Variants in ZNF141 observed in about 807,000 individuals in gnomAD.
The protein encoded by ZNF141 is zinc finger protein 141 (clone pHZ-44).
ZNF141 carries 7 observed loss-of-function variants against 11.3 expected under a neutral mutation model. The observed-to-expected ratio is 0.62, with a 90% CI of 0.35 to 1.16. ZNF141 has a LOEUF of 1.16. Ranked by LOEUF, ZNF141 falls within the 50% of genes most tolerant of loss-of-function variation. The pLI is 0.02. For synonymous variants in ZNF141, 183 were observed against 190.7 expected, an observed-to-expected ratio of 0.96 and a Z score of 0.33; for missense variants, 535 against 554.0, an observed-to-expected ratio of 0.97 and a Z score of 0.34.
intron 1 of ZNF141, among the ~76,000 whole-genome samples, chr4:341,796 G>C (rs1190199862): frequency 6.6e-6 from 1 of 152,120 alleles, no homozygotes; most frequent in Non-Finnish European, 1.5e-5. Flanking sequence ...CTCCTCTCCA[G>C]AGCTGGTGCC....
In ZNF141 at chr4:381,090, G is replaced by A. The variant is rs1712593450; in HGVS notation, c.*7228G>A. 6.6e-6 allele frequency among the ~76,000 whole-genome samples: 1 copy of A among 152,024 alleles called. No individual in the cohort carries two copies. The highest frequency in any genetic ancestry group is 1.9e-4 in the East Asian group (1 of 5,192). On this transcript the variant is annotated 3_prime_UTR_variant, in exon 4 of 4. Transcript: ENST00000240499. ...ACCTGTAGTCAGTAAATGCTGTAAT[G>A]TAATTAAATATTATTTACTACAAAC... is the stretch of plus-strand genomic sequence containing the variant.
At chr4:371,933 G>A (rs1269681867) in intron 3 of ZNF141, among the ~76,000 whole-genome samples, 1 of 152,188 alleles carries the variant, frequency 6.6e-6, no homozygotes, top group Non-Finnish European at 1.5e-5. Context: ...TTAACAAAAA[G>A]CTATTTGTCA....
At chr4:366,432 C>G (rs1327023421) in intron 3 of ZNF141, among the ~76,000 whole-genome samples, 1 of 152,136 alleles carries the variant, frequency 6.6e-6, no homozygotes, top group Non-Finnish European at 1.5e-5. Context: ...TCTCAACCTC[C>G]TGAGTAGCTG....
rs149551199 is a variant in ZNF141, at chr4:383,561, G to GA, written c.*9705dup. The GA allele has an allele frequency of 0.028, 4,574 of 164,816 alleles. 224 individuals carry two copies. Among genetic ancestry groups the GA allele is most frequent in the African/African-American group, 0.1 (4,318 of 42,046 alleles). 10.2% of individuals were successfully genotyped at this position (164,816 alleles called of 1,614,324 possible). A position where few individuals can be genotyped will look rare whatever the true frequency, so the allele number is the denominator to read the frequency against. On this transcript the variant is annotated 3_prime_UTR_variant, in exon 4 of 4. Coordinates refer to ENST00000240499, the MANE Select transcript of ZNF141 (RefSeq NM_003441.4). Reference sequence around the variant, plus strand: ...GCCAATTCGTGCTGACTTCCTACAAGAAAAAACACCAAGGTCTGGGAGCAG... The same window carrying GA: ...GCCAATTCGTGCTGACTTCCTACAAGAAAAAAACACCAAGGTCTGGGAGCAG...
chr4:350,062 G>T, intron 3 of ZNF141: 2 of 498,520 alleles, frequency 4.0e-6, no homozygotes, highest in Non-Finnish European at 8.4e-6. Context: ...CCATGGCTGG[G>T]TGTGTATCTC....
In ZNF141 at chr4:374,852, T is replaced by G. The variant is rs1235322385; in HGVS notation, c.*990T>G. 1 of 152,694 alleles carries G rather than the reference T, an allele frequency of 6.5e-6. No homozygotes were observed. The highest frequency in any genetic ancestry group is 1.5e-5 in the Non-Finnish European group (1 of 68,082). The allele number at this position is 152,694 out of a possible 1,614,324, so 9.5% of individuals were successfully genotyped here. ...AAGATAATTCACACTGAAGAGAAAC[T>G]GCAAACGTGGAAAGTGTGACAAAGC... is the stretch of plus-strand genomic sequence containing the variant. On this transcript the variant is annotated 3_prime_UTR_variant, in exon 4 of 4. Transcript: ENST00000240499.
At chr4:367,827 G>GT (rs1190341801) in intron 3 of ZNF141, among the ~76,000 whole-genome samples, 13 of 152,008 alleles carry the variant, frequency 8.6e-5, no homozygotes, top group African/African-American at 2.2e-4. Context: ...CTTAAATACT[G>GT]TTTTTTTCCA....
chr4:347,641 G>A (rs1486928241), intron 3 of ZNF141, among the ~76,000 whole-genome samples: 1 of 150,762 alleles, frequency 6.6e-6, no homozygotes, highest in East Asian at 2.0e-4. Context: ...GCCCGGCCGC[G>A]CCCAGCCTAG....
intron 1 of ZNF141, among the ~76,000 whole-genome samples, chr4:340,711 C>A (rs1413683030): frequency 1.3e-5 from 2 of 152,190 alleles, no homozygotes; most frequent in African/African-American, 2.4e-5. Flanking sequence ...TCCTACCGTT[C>A]CCCTCTTTGA....
At position 376,232 on chromosome 4, in the gene ZNF141, T is replaced by C. The variant is rs1433810278; in HGVS notation, c.*2370T>C. On this transcript the variant is annotated 3_prime_UTR_variant, in exon 4 of 4. Transcript: ENST00000240499. ...TAACATAGTTGAATGACATTTTTAG[T>C]ATTCTCTTTTTCCAGTGGCTTTAAA... Among the ~76,000 whole-genome samples the C allele has an allele frequency of 4.6e-5, 7 of 152,102 alleles. No homozygotes were observed. Among genetic ancestry groups the C allele is most frequent in the Non-Finnish European group, 8.8e-5 (6 of 67,920 alleles).
At chr4:364,413 G>C (rs1553852644) in intron 3 of ZNF141, among the ~76,000 whole-genome samples, 1 of 152,124 alleles carries the variant, frequency 6.6e-6, no homozygotes, top group African/African-American at 2.4e-5. Context: ...TCCTGCTTTA[G>C]TCTTGGGAGG....
chr4:359,842 C>CTG (rs1207687877), intron 3 of ZNF141, among the ~76,000 whole-genome samples: 1 of 152,112 alleles, frequency 6.6e-6, no homozygotes, highest in Non-Finnish European at 1.5e-5. Context: ...CTGTGGGTCC[C>CTG]TGTGTGAGTA....
Position 373,366 on chromosome 4 carries a change from C to G in ZNF141, c.929C>G (p.Pro310Arg), listed in dbSNP as rs782224505. The G allele has an allele frequency of 2.5e-6, 4 of 1,613,926 alleles. No homozygotes were observed. The highest frequency in any genetic ancestry group is 3.4e-6 in the Non-Finnish European group (4 of 1,179,898). The part of the protein sequence containing the change: ...KHKRIHTGEK[P>R]YKCEECGKAF... ...AAGCGAATTCATACTGGAGAGAAAC[C>G]CTACAAATGTGAAGAATGTGGCAAA... The change falls in exon 4 of 4, where the codon CCC becomes CGC. Residue 310 changes from proline (P) to arginine (R), a missense_variant. Coordinates refer to ENST00000240499, the MANE Select transcript of ZNF141 (RefSeq NM_003441.4).
chr4:347,126 G>A (rs1327306266), intron 3 of ZNF141, among the ~76,000 whole-genome samples: 1 of 150,376 alleles, frequency 6.6e-6, no homozygotes, highest in African/African-American at 2.5e-5. Flanking sequence ...CAGCCTCTGG[G>A]TCCTGGGTTC....
chr4:362,123 G>C (rs1315120913), intron 3 of ZNF141, among the ~76,000 whole-genome samples: 1 of 152,174 alleles, frequency 6.6e-6, no homozygotes, highest in Non-Finnish European at 1.5e-5. Flanking sequence ...TTTCTCTGAT[G>C]GCCAGTGATG....
Position 379,573 on chromosome 4 carries a change from CTA to C in ZNF141, c.*5713_*5714del, listed in dbSNP as rs1712524867. Among the ~76,000 whole-genome samples, 1 of 152,104 alleles carries C rather than the reference CTA, an allele frequency of 6.6e-6. No individual in the cohort carries two copies. The highest frequency in any genetic ancestry group is 2.1e-4 in the South Asian group (1 of 4,826). On this transcript the variant is annotated 3_prime_UTR_variant, in exon 4 of 4. Transcript: ENST00000240499. ...TATTGTTAGTAGAGATGCGGTTTGA[CTA>C]TGTTGGCCAGGCTGGTCTCAAACTC...
chr4:340,494 T>C (rs1553848257), intron 1 of ZNF141, among the ~76,000 whole-genome samples: 1 of 152,174 alleles, frequency 6.6e-6, no homozygotes, highest in African/African-American at 2.4e-5. Flanking sequence ...CACATGTGCA[T>C]TGATTAAACC....
Position 384,226 on chromosome 4 carries a change from A to G in ZNF141, c.*10364A>G, listed in dbSNP as rs1364188322. On this transcript the variant is annotated 3_prime_UTR_variant, in exon 4 of 4. Coordinates refer to ENST00000240499, the MANE Select transcript of ZNF141 (RefSeq NM_003441.4). ...TTTGCCTTTAATCTATTCCCTCCAC[A>G]TCTAAACTCTGGAGGGCAAGGCTGT... 1 of 152,182 alleles carries G rather than the reference A, an allele frequency of 6.6e-6. No homozygotes were observed. The highest frequency in any genetic ancestry group is 2.4e-5 in the African/African-American group (1 of 41,446). The allele number at this position is 152,182 out of a possible 1,614,324, so 9.4% of individuals were successfully genotyped here.
intron 3 of ZNF141, among the ~76,000 whole-genome samples, chr4:370,865 G>T (rs11725959): frequency 0.23 from 35,425 of 151,546 alleles, 4,271 homozygotes; most frequent in Middle Eastern, 0.29. Flanking sequence ...CGCATAGCTG[G>T]GACTACAGGT....
Sources: allele counts gnomAD v4.1 joint callset (sites outside exome capture counted in the v4.1 genomes callset), GRCh38; gene constraint gnomAD v4.1.1; transcripts MANE v1.5; gene names NCBI Gene and HGNC (gene_info 2026-07-23, HGNC 2026-07-21).